SUMF1: variants seen among roughly 807,000 people sequenced by gnomAD.
The protein encoded by SUMF1 is sulfatase modifying factor 1.
A neutral mutation model predicts 47.6 loss-of-function variants in SUMF1; 48 were observed. That is an observed-to-expected ratio of 1.01 (90% CI 0.80 to 1.28). The LOEUF (loss-of-function observed/expected upper bound fraction) is 1.28. SUMF1 is among the 50% of genes most tolerant of loss of function. The pLI is 0.00. For synonymous variants in SUMF1, 230 were observed against 192.1 expected (o/e 1.20, Z -1.63); for missense variants, 571 against 485.4 (o/e 1.18, Z -1.66).
intron 7 of SUMF1, among the ~76,000 whole-genome samples, chr3:4,390,162 G>C (rs759564615): frequency 2.0e-5 from 3 of 152,206 alleles, no homozygotes; most frequent in Non-Finnish European, 4.4e-5. Context: ...CTGCCAGGCA[G>C]AATCAGAAGT....
chr3:4,070,926 T>C (rs1245797002), intron 8 of SUMF1, among the ~76,000 whole-genome samples: 1 of 152,154 alleles, frequency 6.6e-6, no homozygotes, highest in African/African-American at 2.4e-5. Context: ...CCACCGTGCC[T>C]GGCCTCCTTT....
chr3:4,452,821 T>C (rs1049558967), intron 2 of SUMF1, 55 bp downstream of exon 2: 25 of 1,604,866 alleles, frequency 1.6e-5, no homozygotes, highest in Middle Eastern at 1.7e-4. Context: ...TATTAAAGCA[T>C]TCTTAAAAGT....
chr3:4,412,544 T>A (rs1701577379), intron 6 of SUMF1, among the ~76,000 whole-genome samples: 1 of 152,138 alleles, frequency 6.6e-6, no homozygotes. Flanking sequence ...GAAATTCAGT[T>A]ATTTCAGGAA....
At chr3:4,201,991 T>A (rs1393772328) in intron 8 of SUMF1, among the ~76,000 whole-genome samples, 1 of 152,052 alleles carries the variant, frequency 6.6e-6, no homozygotes, top group Non-Finnish European at 1.5e-5. Flanking sequence ...GCTCCTTACA[T>A]ATTCTGGTTA....
rs1472777725 is a variant in SUMF1 at position 4,151,412 on chromosome 3, T to A, written c.1015-82667A>T. On this transcript the variant is annotated intron_variant and NMD_transcript_variant, in intron 8 of 12. Coordinates refer to the SUMF1 transcript ENST00000448413. ...ATGTATATATATGTATATGTATATATGTATATATGTGTATACATGTGTATA... is the reference window on the plus strand; with the variant it reads ...ATGTATATATATGTATATGTATATAAGTATATATGTGTATACATGTGTATA... Among the ~76,000 whole-genome samples, 29 of 143,374 alleles carry A rather than the reference T, an allele frequency of 2.0e-4. 3 individuals carry two copies. The highest frequency in any genetic ancestry group is 7.6e-4 in the African/African-American group (28 of 36,886). 94.1% of individuals were successfully genotyped at this position (143,374 alleles called of 152,430 possible). A position where few individuals can be genotyped will look rare whatever the true frequency, so the allele number is the denominator to read the frequency against.
In SUMF1 at chr3:4,165,484, G is replaced by A. The variant is rs868328871; in HGVS notation, c.1015-96739C>T. Among the ~76,000 whole-genome samples, 9 of 152,222 alleles carry A rather than the reference G, an allele frequency of 5.9e-5. No individual in the cohort carries two copies. The Middle Eastern group carries it at 0.01, about 174-fold the overall frequency. On this transcript the variant is annotated intron_variant and NMD_transcript_variant, in intron 8 of 12. Coordinates refer to the SUMF1 transcript ENST00000448413. The stretch of plus-strand genomic sequence containing the variant: ...TTAACAGGAAGGGGAGCTGTAGGAA[G>A]GCTAGGATATGGAGGTAAGCTGAGA...
At chr3:4,253,892 C>T (rs1046135353) in intron 8 of SUMF1, among the ~76,000 whole-genome samples, 1 of 150,042 alleles carries the variant, frequency 6.7e-6, no homozygotes, top group African/African-American at 2.5e-5. Context: ...AGCAGTGGTT[C>T]TCCCAGCACG....
intron 8 of SUMF1, among the ~76,000 whole-genome samples, chr3:4,293,356 A>G (rs1282923231): frequency 6.6e-6 from 1 of 152,208 alleles, no homozygotes; most frequent in African/African-American, 2.4e-5. Flanking sequence ...TCTGAAGCTA[A>G]AAGGTTTTGG....
intron 8 of SUMF1, among the ~76,000 whole-genome samples, chr3:4,131,652 G>C (rs1488749707): frequency 1.3e-5 from 2 of 152,150 alleles, no homozygotes; most frequent in Non-Finnish European, 2.9e-5. Context: ...TCAGGGACTT[G>C]GAAGAAACAT....
intron 3 of SUMF1, among the ~76,000 whole-genome samples, chr3:4,424,875 C>G (rs138322405): frequency 1.3e-5 from 2 of 152,296 alleles, no homozygotes; most frequent in East Asian, 3.9e-4. Context: ...GTGTATGTCA[C>G]TATCACAGGT....
intron 6 of SUMF1, chr3:4,414,833 A>T (rs939004676): frequency 6.6e-6 from 1 of 152,242 alleles, no homozygotes; most frequent in Non-Finnish European, 1.5e-5. Flanking sequence ...GTAATTAAAT[A>T]GAAAAGAAAC....
At chr3:4,306,477 T>C (rs1038521478) in intron 8 of SUMF1, among the ~76,000 whole-genome samples, 1 of 152,158 alleles carries the variant, frequency 6.6e-6, no homozygotes, top group Admixed American at 6.5e-5. Flanking sequence ...TAAATGAAAA[T>C]TGGGAGATTA....
At chr3:4,369,018 CAG>C (rs1360254146) in intron 8 of SUMF1, among the ~76,000 whole-genome samples, 3 of 151,380 alleles carry the variant, frequency 2.0e-5, no homozygotes, top group East Asian at 1.9e-4. Flanking sequence ...AATTTGGACT[CAG>C]GGGGAAGATA....
chr3:4,156,755 T>C (rs1024631216), intron 8 of SUMF1, among the ~76,000 whole-genome samples: 1 of 151,762 alleles, frequency 6.6e-6, no homozygotes, highest in African/African-American at 2.4e-5. Context: ...TCATTTAATC[T>C]ATTGCCCTAA....
Position 4,362,140 on chromosome 3 carries a change from G to C in SUMF1, c.*4C>G. The C allele has an allele frequency of 3.7e-6, 6 of 1,613,882 alleles. No individual in the cohort carries two copies. The highest frequency in any genetic ancestry group is 5.1e-6 in the Non-Finnish European group (6 of 1,179,872). ...CTTGGACTGGGGAAGACTTTCCTTG[G>C]TTGTCAGTCCATAGTGGGCAGGCGG... is the stretch of plus-strand genomic sequence containing the variant. On this transcript the variant is annotated 3_prime_UTR_variant, in exon 9 of 9. Transcript: ENST00000272902.
chr3:4,168,165 G>C (rs968103915), intron 8 of SUMF1, among the ~76,000 whole-genome samples: 9 of 152,070 alleles, frequency 5.9e-5, no homozygotes, highest in Non-Finnish European at 1.0e-4. Context: ...AGGAATTAAA[G>C]AACTCCTCTC....
chr3:4,326,932 C>T (rs370974516), intron 8 of SUMF1, among the ~76,000 whole-genome samples: 21 of 152,248 alleles, frequency 1.4e-4, no homozygotes, highest in African/African-American at 4.6e-4. Flanking sequence ...ACCAGTGTCT[C>T]CAATTATAGC....
chr3:4,206,526 C>T (rs1288077346), intron 8 of SUMF1, among the ~76,000 whole-genome samples: 2 of 152,080 alleles, frequency 1.3e-5, no homozygotes, highest in Non-Finnish European at 2.9e-5. Context: ...CTGTGTTCTC[C>T]CTCTCCCAAA....
rs555222342 is a variant in SUMF1 at position 4,076,641 on chromosome 3, T to C, written c.1015-7896A>G. 9.1e-4 allele frequency among the ~76,000 whole-genome samples: 139 copies of C among 152,056 alleles called. 1 individual carries two copies. The highest frequency in any genetic ancestry group is 3.3e-3 in the African/African-American group (137 of 41,472). ...AGAATCTACAAAGAACTTAAACAAA[T>C]TTACAAGAAAAAAACAAAAAACCCC... is the stretch of plus-strand genomic sequence containing the variant. On this transcript the variant is annotated intron_variant and NMD_transcript_variant, in intron 8 of 12. Transcript: ENST00000448413.
Sources: allele counts gnomAD v4.1 joint callset (sites outside exome capture counted in the v4.1 genomes callset), GRCh38; gene constraint gnomAD v4.1.1; transcripts MANE v1.5; gene names NCBI Gene and HGNC (gene_info 2026-07-23, HGNC 2026-07-21).